RNF220: variants seen among roughly 807,000 people sequenced by gnomAD.
RNF220 encodes ring finger protein 220.
In RNF220, 7 loss-of-function variants were observed where a neutral mutation model predicts 67.1. The ratio of observed to expected loss-of-function variants is 0.10; its 90% confidence interval spans 0.06 to 0.20. The LOEUF (loss-of-function observed/expected upper bound fraction) is 0.20, where lower values mean the gene tolerates loss of function less well. RNF220 is among the 10% of genes least tolerant of loss of function. The pLI, the probability that RNF220 is intolerant of heterozygous loss-of-function variation, is 1.00. For missense variants in RNF220, 565 were observed against 740.3 expected (o/e 0.76, Z 2.75); for synonymous variants, 270 against 283.2 (o/e 0.95, Z 0.47).
chr1:44,490,700 C>G (rs1285800758), intron 2 of RNF220, among the ~76,000 whole-genome samples: 2 of 150,850 alleles, frequency 1.3e-5, no homozygotes, highest in African/African-American at 2.4e-5. Context: ...AAAGAGCAAA[C>G]TAAACCCAAA....
chr1:44,539,812 C>T (rs750263187), intron 2 of RNF220, among the ~76,000 whole-genome samples: 12 of 152,288 alleles, frequency 7.9e-5, no homozygotes, highest in African/African-American at 1.2e-4. Context: ...CTAACCTGTA[C>T]CTCTCCCCCA....
chr1:44,519,413 T>C, intron 2 of RNF220, among the ~76,000 whole-genome samples: 1 of 151,920 alleles, frequency 6.6e-6, no homozygotes, highest in Non-Finnish European at 1.5e-5. Context: ...AAGCATAGGG[T>C]GCTGTGTGTG....
At chr1:44,525,929 C>G (rs4660810) in intron 2 of RNF220, among the ~76,000 whole-genome samples, 53,237 of 152,076 alleles carry the variant, frequency 0.35, 9,737 homozygotes, top group East Asian at 0.54. Context: ...CTTCCTCACT[C>G]CCACTGAATC....
In RNF220 at chr1:44,562,640, G is replaced by T. The variant is rs776982798; in HGVS notation, c.626-51525G>T. ...GGTCCCAGACAGCTCCAGGGGCTAAGTCGGGGTTGGGGGGTTGGTGCCTGG... is the reference window on the plus strand; with the variant it reads ...GGTCCCAGACAGCTCCAGGGGCTAATTCGGGGTTGGGGGGTTGGTGCCTGG... On this transcript the variant is annotated intron_variant, in intron 2 of 14. Coordinates refer to ENST00000361799, the MANE Select transcript of RNF220 (RefSeq NM_018150.4). 8.5e-5 allele frequency among the ~76,000 whole-genome samples: 13 copies of T among 152,218 alleles called. 1 individual carries two copies. The highest frequency in any genetic ancestry group is 3.1e-4 in the African/African-American group (13 of 41,450).
At chr1:44,607,558 C>T (rs1667361373) in intron 2 of RNF220, among the ~76,000 whole-genome samples, 1 of 151,316 alleles carries the variant, frequency 6.6e-6, no homozygotes, top group South Asian at 2.1e-4. Flanking sequence ...GCAATCTCAG[C>T]TCACTGCAAG....
At chr1:44,449,696 G>C (rs1652472659) in intron 2 of RNF220, among the ~76,000 whole-genome samples, 1 of 152,130 alleles carries the variant, frequency 6.6e-6, no homozygotes, top group Admixed American at 6.5e-5. Flanking sequence ...TTGGGGTATG[G>C]GCCATGGTGC....
chr1:44,577,287 T>A (rs926477646), intron 2 of RNF220, among the ~76,000 whole-genome samples: 6 of 152,078 alleles, frequency 3.9e-5, no homozygotes, highest in African/African-American at 1.4e-4. Flanking sequence ...AGCCCCAAAC[T>A]GCAGTGCACC....
intron 2 of RNF220, among the ~76,000 whole-genome samples, chr1:44,580,655 C>T (rs148906979): frequency 7.1e-4 from 108 of 152,314 alleles, no homozygotes; most frequent in African/African-American, 2.4e-3. Flanking sequence ...GGGCAGGCCA[C>T]CTATTAGGAA....
intron 2 of RNF220, among the ~76,000 whole-genome samples, chr1:44,519,063 G>T (rs1350376570): frequency 6.6e-6 from 1 of 151,568 alleles, no homozygotes; most frequent in Non-Finnish European, 1.5e-5. Flanking sequence ...ATGGGCAGAG[G>T]CACCATTCAC....
intron 2 of RNF220, among the ~76,000 whole-genome samples, chr1:44,534,982 C>T (rs1224496782): frequency 1.3e-5 from 2 of 152,116 alleles, no homozygotes; most frequent in African/African-American, 2.4e-5. Flanking sequence ...ATTGAGTTGT[C>T]CAGACTCGTT....
At chr1:44,485,777 A>G (rs908457691) in intron 2 of RNF220, among the ~76,000 whole-genome samples, 1 of 152,202 alleles carries the variant, frequency 6.6e-6, no homozygotes, top group African/African-American at 2.4e-5. Flanking sequence ...GGCCTGCTTT[A>G]TTTAAGATGC....
intron 2 of RNF220, among the ~76,000 whole-genome samples, chr1:44,463,760 G>A (rs746327128): frequency 2.6e-5 from 4 of 152,242 alleles, no homozygotes; most frequent in East Asian, 1.9e-4. Flanking sequence ...ACTAACTTGA[G>A]TTTCCAGAAT....
chr1:44,627,316 G>A (rs1474222465), intron 5 of RNF220, among the ~76,000 whole-genome samples: 2 of 125,990 alleles, frequency 1.6e-5, no homozygotes, highest in African/African-American at 3.1e-5. Context: ...TTGTACTCCA[G>A]CCTGGGTGAC....
chr1:44,577,299 C>G (rs944291238), intron 2 of RNF220, among the ~76,000 whole-genome samples: 2 of 152,182 alleles, frequency 1.3e-5, no homozygotes, highest in Non-Finnish European at 2.9e-5. Flanking sequence ...CAGTGCACCC[C>G]CTCTTACCCG....
Position 44,610,686 on chromosome 1 carries a change from G to A in RNF220, c.626-3479G>A, listed in dbSNP as rs1164391311. 2.6e-5 allele frequency among the ~76,000 whole-genome samples: 4 copies of A among 152,204 alleles called. 1 individual carries two copies. In the South Asian group the frequency reaches 8.3e-4, roughly 31 times the overall value. The stretch of plus-strand genomic sequence containing the variant: ...TGGGCTCGGCCTGCCCACCTGTGGT[G>A]CTGCCGGCAGTATTGGAGAAGGGAT... On this transcript the variant is annotated intron_variant, in intron 2 of 14. Coordinates refer to ENST00000361799, the MANE Select transcript of RNF220 (RefSeq NM_018150.4).
intron 3 of RNF220, among the ~76,000 whole-genome samples, chr1:44,617,909 G>A (rs1044225765): frequency 6.7e-6 from 1 of 148,658 alleles, no homozygotes; most frequent in Non-Finnish European, 1.5e-5. Flanking sequence ...TCTTTCCCCT[G>A]CTGACTCCTC....
chr1:44,551,632 A>G (rs58092428), intron 2 of RNF220, among the ~76,000 whole-genome samples: 3,506 of 152,256 alleles, frequency 0.023, 128 homozygotes, highest in East Asian at 0.2. Context: ...TTCTTAAACC[A>G]TCATCCACAT....
intron 2 of RNF220, among the ~76,000 whole-genome samples, chr1:44,538,921 A>G (rs1287446089): frequency 1.5e-5 from 2 of 135,134 alleles, no homozygotes; most frequent in East Asian, 4.8e-4. Flanking sequence ...ATCTAGGGAA[A>G]AAAAAAAAAA....
rs111665631 is a variant in RNF220 at position 44,405,377 on chromosome 1, A to ACTGCTGCTGCTG, written c.-263_-252dup. ...AACACAAACCCGGGGCCAGCCGCCT[A>ACTGCTGCTGCTG]CTGCTGCTGCTGCTGCTGCCGCTGC... On this transcript the variant is annotated 5_prime_UTR_variant, in exon 1 of 15. Coordinates refer to ENST00000361799, the MANE Select transcript of RNF220 (RefSeq NM_018150.4). 31 of 611,418 alleles carry ACTGCTGCTGCTG rather than the reference A, an allele frequency of 5.1e-5. No homozygotes were observed. The highest frequency in any genetic ancestry group is 1.2e-4 in the South Asian group (7 of 57,256). The allele number at this position is 611,418 out of a possible 1,614,324, so 37.9% of individuals were successfully genotyped here. A position where few individuals can be genotyped will look rare whatever the true frequency, so the allele number is the denominator to read the frequency against.
Sources: allele counts gnomAD v4.1 joint callset (sites outside exome capture counted in the v4.1 genomes callset), GRCh38; gene constraint gnomAD v4.1.1; transcripts MANE v1.5; gene names NCBI Gene and HGNC (gene_info 2026-07-23, HGNC 2026-07-21).